Variants in AACS observed in about 807,000 individuals in gnomAD.
AACS encodes the protein acetoacetate-CoA ligase.
A neutral mutation model predicts 83.1 loss-of-function variants in AACS; 69 were observed. That is an observed-to-expected ratio of 0.83 (90% confidence interval 0.68 to 1.01). The LOEUF (loss-of-function observed/expected upper bound fraction) is 1.01. AACS is among the 50% of genes least tolerant of loss of function. The probability of loss-of-function intolerance (pLI) is 0.00; values close to 1 mark genes in which losing one functional copy is unlikely to be tolerated. For missense variants in AACS, 866 were observed against 882.2 expected (o/e 0.98, Z 0.23); for synonymous variants, 333 against 343.4 (o/e 0.97, Z 0.33).
At chr12:125,082,284 A>T (rs533546419) in intron 3 of AACS, among the ~76,000 whole-genome samples, 28 of 143,464 alleles carry the variant, frequency 2.0e-4, no homozygotes, top group African/African-American at 7.0e-4. Flanking sequence ...CAAGTCTACC[A>T]CCTCAGCCTC....
At chr12:125,070,768 G>A (rs1182206997) in intron 1 of AACS, among the ~76,000 whole-genome samples, 3 of 152,166 alleles carry the variant, frequency 2.0e-5, no homozygotes, top group Non-Finnish European at 4.4e-5. Flanking sequence ...CCATTTCACA[G>A]CTGAACAAAC....
At chr12:125,103,509 G>A (rs906357404) in intron 7 of AACS, among the ~76,000 whole-genome samples, 9 of 151,972 alleles carry the variant, frequency 5.9e-5, no homozygotes, top group South Asian at 2.1e-4. Context: ...ACGTGCATAC[G>A]TGCACAGGTG....
At chr12:125,086,464 T>G (rs1226461653) in intron 4 of AACS, 21 bp downstream of exon 4, 2 of 1,611,924 alleles carry the variant, frequency 1.2e-6, no homozygotes, top group South Asian at 2.2e-5. Flanking sequence ...TGGGTGCTGG[T>G]GATGGTTTGA....
At chr12:125,077,964 C>T (rs1956070883) in intron 3 of AACS, 2 of 362,154 alleles carry the variant, frequency 5.5e-6, no homozygotes, top group African/African-American at 2.1e-5. Flanking sequence ...CCCGCCTCGG[C>T]CTCCTAAAGT....
rs1356558343 is a variant in AACS at position 125,076,597 on chromosome 12, C to T, written c.344C>T (p.Ala115Val). The stretch of plus-strand genomic sequence containing the variant: ...CGGCACAAAGAGAATGACAGAGTTG[C>T]CCTTTACATTGCAAGTAAGTCCTGA... ...LLRHKENDRV[A>V]LYIAREGKEE... Residue 115 changes from alanine (A) to valine (V), a missense_variant, in exon 3 of 18, where the codon GCC (alanine) becomes GTC (valine). Transcript: ENST00000316519. 2 of 1,614,100 alleles carry T rather than the reference C, an allele frequency of 1.2e-6. No homozygotes were observed. The highest frequency in any genetic ancestry group is 1.1e-5 in the South Asian group (1 of 91,080).
chr12:125,107,034 C>A, intron 7 of AACS, 87 bp from the exon 8 acceptor site: 1 of 1,570,596 alleles, frequency 6.4e-7, no homozygotes, highest in South Asian at 1.2e-5. Flanking sequence ...GGGGTAGAAA[C>A]AGAGGGAAGT....
intron 1 of AACS, among the ~76,000 whole-genome samples, chr12:125,072,994 C>G (rs1011105250): frequency 1.4e-5 from 2 of 141,028 alleles, no homozygotes; most frequent in Admixed American, 7.6e-5. Context: ...GTGGCGCGAT[C>G]TCGGCTCACT....
At chr12:125,124,475 G>A (rs1957211056) in intron 10 of AACS, 1 of 566,872 alleles carries the variant, frequency 1.8e-6, no homozygotes, top group Non-Finnish European at 3.1e-6. Flanking sequence ...TCGTGGTAAA[G>A]GGAGCTGGCC....
intron 5 of AACS, chr12:125,102,443 G>T: frequency 2.3e-6 from 1 of 434,158 alleles, no homozygotes; most frequent in Non-Finnish European, 4.3e-6. Context: ...GAAATGCAGT[G>T]GTCCTATTGG....
intron 3 of AACS, among the ~76,000 whole-genome samples, chr12:125,080,077 C>G (rs1402136826): frequency 6.6e-6 from 1 of 152,192 alleles, no homozygotes; most frequent in East Asian, 1.9e-4. Flanking sequence ...TACAGGCAGA[C>G]CACATTTCGT....
chr12:125,107,069 G>A (rs368086322), intron 7 of AACS, 52 bp from the exon 8 acceptor site: 376 of 1,611,600 alleles, frequency 2.3e-4, no homozygotes, highest in Non-Finnish European at 3.0e-4. Flanking sequence ...AGTGGGTCCG[G>A]TCCAGCATTC....
intron 2 of AACS, 132 bp from the exon 3 acceptor site, chr12:125,076,359 C>T: frequency 8.0e-7 from 1 of 1,249,310 alleles, no homozygotes. Flanking sequence ...TAAAAATGCT[C>T]TGGGCCAATG....
chr12:125,118,033 T>C (rs185758085), intron 9 of AACS: 8 of 152,226 alleles, frequency 5.3e-5, no homozygotes, highest in Admixed American at 5.2e-4. Flanking sequence ...TGGAGACCTT[T>C]GGCTGTGTCC....
intron 8 of AACS, 28 bp downstream of exon 8, chr12:125,107,296 G>A: frequency 6.2e-7 from 1 of 1,608,274 alleles, no homozygotes. Flanking sequence ...GCTCTGCAGG[G>A]CCTCCTGTTG....
intron 5 of AACS, among the ~76,000 whole-genome samples, chr12:125,096,572 G>T (rs573835845): frequency 6.6e-6 from 1 of 152,294 alleles, no homozygotes; most frequent in South Asian, 2.1e-4. Context: ...GGAGCCAGGT[G>T]CAGGGATACC....
At position 125,076,458 on chromosome 12, in the gene AACS, G is replaced by A. The variant is rs1348939528; in HGVS notation, c.238-33G>A. 4.3e-6 allele frequency: 7 copies of A among 1,610,748 alleles called. No individual in the cohort carries two copies. In the African/African-American group the frequency reaches 6.7e-5, roughly 15 times the overall value. On this transcript the variant is annotated intron_variant, in intron 2 of 17. Transcript: ENST00000316519. ...GCTGATCTGTAGCGTAGTCTCATGT[G>A]TGTGCGTCTTGGTTTGTTGTCATTC...
intron 1 of AACS, among the ~76,000 whole-genome samples, chr12:125,070,058 T>C (rs1955818333): frequency 6.6e-6 from 1 of 152,150 alleles, no homozygotes; most frequent in Non-Finnish European, 1.5e-5. Context: ...GCCCATCCCA[T>C]GGAATGCAAG....
At chr12:125,128,078 AC>A in intron 12 of AACS, 82 bp from the exon 13 acceptor site, 1 of 996,928 alleles carries the variant, frequency 1.0e-6, no homozygotes. Flanking sequence ...TCCTCTTGGC[AC>A]CTTCTCCTTT....
At chr12:125,106,886 G>A (rs1358179972) in intron 7 of AACS, among the ~76,000 whole-genome samples, 1 of 152,148 alleles carries the variant, frequency 6.6e-6, no homozygotes, top group African/African-American at 2.4e-5. Context: ...CAGCAGTGCT[G>A]ATTAAGCAAC....
Sources: gnomAD v4.1 joint callset for allele counts (sites outside exome capture counted in the v4.1 genomes callset) on GRCh38, gnomAD v4.1.1 for gene constraint, MANE v1.5 for transcripts, NCBI Gene and HGNC (gene_info 2026-07-23, HGNC 2026-07-21) for gene names.